Variants in CCNYL1 observed in about 807,000 individuals in gnomAD.
CCNYL1 encodes cyclin-Y-like protein 1.
CCNYL1 carries 16 observed loss-of-function variants against 44.2 expected under a neutral mutation model. That is an observed-to-expected ratio of 0.36 (90% CI 0.25 to 0.55). The LOEUF (loss-of-function observed/expected upper bound fraction) is 0.55. Among genes scored for constraint, CCNYL1 ranks in the 20% least tolerant of loss-of-function variants. CCNYL1 has a pLI of 0.85. For missense variants in CCNYL1, 348 were observed against 451.8 expected (o/e 0.77, Z 2.08); for synonymous variants, 159 against 163.2 (o/e 0.97, Z 0.20).
intron 9 of CCNYL1, 131 bp downstream of exon 9, chr2:207,751,250 G>A: frequency 1.4e-6 from 1 of 717,540 alleles, no homozygotes; most frequent in Non-Finnish European, 2.2e-6. Flanking sequence ...GAGCTTATTA[G>A]CCCTTTGGCG....
intron 2 of CCNYL1, among the ~76,000 whole-genome samples, chr2:207,725,942 C>T (rs1377438933): frequency 1.3e-5 from 2 of 152,126 alleles, no homozygotes; most frequent in Admixed American, 1.3e-4. Flanking sequence ...AGTAATGGAG[C>T]ACAACACAAA....
Position 207,753,700 on chromosome 2 carries a change from A to G in CCNYL1, c.*2A>G, listed in dbSNP as rs1284397084. On this transcript the variant is annotated 3_prime_UTR_variant, in exon 10 of 10. Transcript: ENST00000295414. The stretch of plus-strand genomic sequence containing the variant: ...CGCTCTAAAGCCATCCTCTCTTAAA[A>G]GGAGAAATGAGGGGTTATAACGTCA... The G allele has an allele frequency of 1.3e-6, 2 of 1,564,760 alleles. No individual in the cohort carries two copies. The highest frequency in any genetic ancestry group is 1.8e-6 in the Non-Finnish European group (2 of 1,136,602).
At chr2:207,743,954 T>G (rs911245499) in intron 7 of CCNYL1, among the ~76,000 whole-genome samples, 1 of 152,132 alleles carries the variant, frequency 6.6e-6, no homozygotes, top group African/African-American at 2.4e-5. Flanking sequence ...TACCAAGTGC[T>G]AGAGTAGAGG....
At position 207,711,786 on chromosome 2, in the gene CCNYL1, GC is replaced by G. The variant is rs1399093295; in HGVS notation, c.-108del. On this transcript the variant is annotated 5_prime_UTR_variant, in exon 1 of 10. Transcript: ENST00000295414. The stretch of plus-strand genomic sequence containing the variant: ...GCTTGCGCGGTGCAGCCCCAGCGTA[GC>G]CCGGGGCTGCCGGTGCCGGCCGCGC... 1.5e-6 allele frequency: 1 copy of G among 678,486 alleles called. No homozygotes were observed. Among genetic ancestry groups the G allele is most frequent in the Non-Finnish European group, 2.2e-6 (1 of 461,640 alleles). The allele number at this position is 678,486 out of a possible 1,614,324, so 42.0% of individuals were successfully genotyped here.
chr2:207,718,622 A>G (rs1329176769), intron 1 of CCNYL1, among the ~76,000 whole-genome samples: 3 of 152,250 alleles, frequency 2.0e-5, no homozygotes, highest in African/African-American at 7.2e-5. Flanking sequence ...AGAGAAATAC[A>G]AACGAAAACT....
chr2:207,751,953 T>C (rs2091895383), intron 9 of CCNYL1, among the ~76,000 whole-genome samples: 1 of 152,012 alleles, frequency 6.6e-6, no homozygotes, highest in African/African-American at 2.4e-5. Context: ...GAGCATCGCT[T>C]GAACCTGGGA....
intron 3 of CCNYL1, among the ~76,000 whole-genome samples, chr2:207,728,223 C>T (rs2091695535): frequency 1.3e-5 from 2 of 151,630 alleles, no homozygotes; most frequent in South Asian, 4.2e-4. Context: ...CTTGGCCTCC[C>T]AAAGTGGGGA....
At chr2:207,727,561 A>C (rs1040336260) in intron 3 of CCNYL1, among the ~76,000 whole-genome samples, 32 of 152,112 alleles carry the variant, frequency 2.1e-4, no homozygotes, top group Non-Finnish European at 3.8e-4. Context: ...TTTCCTGACT[A>C]TATTCATTTG....
intron 4 of CCNYL1, 72 bp downstream of exon 4, chr2:207,734,119 G>C (rs1433986381): frequency 2.2e-6 from 2 of 897,456 alleles, no homozygotes; most frequent in Non-Finnish European, 3.6e-6. Flanking sequence ...GCCATCCTCG[G>C]TAATTTCAGC....
intron 5 of CCNYL1, among the ~76,000 whole-genome samples, chr2:207,740,069 C>T (rs1239389720): frequency 6.6e-6 from 1 of 152,120 alleles, no homozygotes. Flanking sequence ...TCCAGAAGTC[C>T]ACAGACCACA....
At chr2:207,738,337 C>T (rs562724433) in intron 5 of CCNYL1, among the ~76,000 whole-genome samples, 5 of 152,250 alleles carry the variant, frequency 3.3e-5, no homozygotes, top group African/African-American at 7.2e-5. Context: ...TCTCCTGCCT[C>T]GGGCTCCCGA....
In CCNYL1 at chr2:207,712,033, C is replaced by A; in HGVS notation, c.137C>A (p.Ala46Asp). The A allele has an allele frequency of 6.6e-7, 1 of 1,521,792 alleles. No homozygotes were observed. The highest frequency in any genetic ancestry group is 8.8e-7 in the Non-Finnish European group (1 of 1,134,524). The allele number at this position is 1,521,792 out of a possible 1,614,324, so 94.3% of individuals were successfully genotyped here. Residue 46 changes from alanine to aspartate, a missense_variant, in exon 1 of 10, where the codon GCT becomes GAT. Physicochemically the swap from Ala to Asp is moderately radical, Grantham distance 126 (BLOSUM62 -2). Coordinates refer to ENST00000295414, the MANE Select transcript of CCNYL1 (RefSeq NM_001330218.2). ...GGGGACGCGGTGGCGGTAGCGCCCGCTGTGGTGGAGCCTGCCGAGTTGGAT... is the reference window on the plus strand; with the variant it reads ...GGGGACGCGGTGGCGGTAGCGCCCGATGTGGTGGAGCCTGCCGAGTTGGAT... ...VSGDAVAVAP[A>D]VVEPAELDFG...
chr2:207,741,986 A>G (rs2091814570), intron 6 of CCNYL1, among the ~76,000 whole-genome samples: 1 of 151,430 alleles, frequency 6.6e-6, no homozygotes, highest in South Asian at 2.1e-4. Context: ...CCCCGTCTCT[A>G]CTAAAAATAC....
chr2:207,720,678 G>C (rs544557559), intron 1 of CCNYL1, among the ~76,000 whole-genome samples: 2 of 152,096 alleles, frequency 1.3e-5, no homozygotes, highest in Non-Finnish European at 2.9e-5. Context: ...GCCTCCCAGA[G>C]TGCTGGGATT....
chr2:207,732,234 C>T (rs919565422), intron 3 of CCNYL1, among the ~76,000 whole-genome samples: 1 of 152,156 alleles, frequency 6.6e-6, no homozygotes, highest in East Asian at 1.9e-4. Flanking sequence ...AAACTATATA[C>T]ATTAAATATA....
rs566757834 is a variant in CCNYL1 at position 207,752,017 on chromosome 2, G to A, written c.969+898G>A. Among the ~76,000 whole-genome samples the A allele has an allele frequency of 3.9e-5, 6 of 151,966 alleles. No homozygotes were observed. The South Asian group carries it at 1.0e-3, about 26-fold the overall frequency. ...ACCGCTGCACTCTAGCCTAGGTGAC[G>A]GAGTGAGATTGTGTCTCCAAAAAAA... On this transcript the variant is annotated intron_variant, in intron 9 of 9. Transcript: ENST00000295414.
Position 207,751,138 on chromosome 2 carries a change from T to A in CCNYL1, c.969+19T>A, listed in dbSNP as rs200363168. 6.3e-7 allele frequency: 1 copy of A among 1,599,080 alleles called. No individual in the cohort carries two copies. The highest frequency in any genetic ancestry group is 1.3e-5 in the African/African-American group (1 of 74,280). The stretch of plus-strand genomic sequence containing the variant: ...CCTAGAGGTAAGGCTATGAAGTCAC[T>A]AAGTGAGGTTTTCCATCAGCCACCA... On this transcript the variant is annotated intron_variant, in intron 9 of 9. Coordinates refer to ENST00000295414, the MANE Select transcript of CCNYL1 (RefSeq NM_001330218.2).
At chr2:207,744,074 C>T (rs2091834091) in intron 7 of CCNYL1, among the ~76,000 whole-genome samples, 1 of 152,090 alleles carries the variant, frequency 6.6e-6, no homozygotes, top group African/African-American at 2.4e-5. Flanking sequence ...TAAAGGGATA[C>T]AGAGTGACAG....
At chr2:207,719,538 T>C (rs1436652758) in intron 1 of CCNYL1, among the ~76,000 whole-genome samples, 5 of 152,148 alleles carry the variant, frequency 3.3e-5, no homozygotes, top group Admixed American at 2.6e-4. Context: ...TGACCTCAGG[T>C]GATCTGCCCA....
Sources: allele counts gnomAD v4.1 joint callset (sites outside exome capture counted in the v4.1 genomes callset), GRCh38; gene constraint gnomAD v4.1.1; transcripts MANE v1.5; gene names NCBI Gene and HGNC (gene_info 2026-07-23, HGNC 2026-07-21).